TLK1: variants seen among roughly 807,000 people sequenced by gnomAD.
The protein encoded by TLK1 is tousled like kinase 1, also known as serine/threonine-protein kinase tousled-like 1.
Under a neutral mutation model 105.3 loss-of-function variants are expected in TLK1, and 24 were observed. That is an observed-to-expected ratio of 0.23 (90% CI 0.17 to 0.32). The LOEUF is 0.32. Ranked by LOEUF, TLK1 falls within the 10% of genes least tolerant of loss-of-function variation. The pLI, the probability that TLK1 is intolerant of heterozygous loss-of-function variation, is 1.00. For synonymous variants in TLK1, 321 were observed against 310.4 expected (o/e 1.03, Z -0.36); for missense variants, 558 against 910.5 (o/e 0.61, Z 4.98).
At chr2:171,204,963 G>GAA (rs11376922) in intron 1 of TLK1, among the ~76,000 whole-genome samples, 152 of 149,890 alleles carry the variant, frequency 1.0e-3, no homozygotes, top group Middle Eastern at 3.4e-3. Flanking sequence ...AAAAAAAAAA[G>GAA]AAAAAAAAAG....
intron 12 of TLK1, among the ~76,000 whole-genome samples, chr2:171,026,039 TC>T (rs1270378712): frequency 6.6e-6 from 1 of 152,098 alleles, no homozygotes; most frequent in Non-Finnish European, 1.5e-5. Context: ...CCCAAAATAT[TC>T]CATGATGAAG....
At chr2:171,129,415 T>C (rs891949170) in intron 1 of TLK1, among the ~76,000 whole-genome samples, 1 of 152,214 alleles carries the variant, frequency 6.6e-6, no homozygotes, top group African/African-American at 2.4e-5. Context: ...CAGAACAGTT[T>C]TTCTTTCTTA....
intron 1 of TLK1, among the ~76,000 whole-genome samples, chr2:171,168,262 TA>T (rs1483731952): frequency 1.3e-5 from 2 of 152,306 alleles, no homozygotes; most frequent in East Asian, 1.9e-4. Flanking sequence ...AAATCTTTCT[TA>T]ATTCGATACA....
chr2:171,113,745 A>G (rs1477263358), intron 2 of TLK1, among the ~76,000 whole-genome samples: 1 of 152,216 alleles, frequency 6.6e-6, no homozygotes, highest in Non-Finnish European at 1.5e-5. Flanking sequence ...CCAATATTAT[A>G]TAAAAGATGG....
intron 1 of TLK1, among the ~76,000 whole-genome samples, chr2:171,186,087 A>G (rs1170701530): frequency 6.6e-6 from 1 of 152,238 alleles, no homozygotes; most frequent in Admixed American, 6.5e-5. Flanking sequence ...TTCCAAAGGA[A>G]GAAACTTTCC....
At chr2:171,094,175 T>C (rs933771633) in intron 2 of TLK1, among the ~76,000 whole-genome samples, 4 of 151,776 alleles carry the variant, frequency 2.6e-5, no homozygotes, top group Admixed American at 6.6e-5. Context: ...AATAAAAGAG[T>C]TGACAGTGAA....
At chr2:171,155,278 TTC>T (rs1692189565) in intron 1 of TLK1, among the ~76,000 whole-genome samples, 1 of 152,182 alleles carries the variant, frequency 6.6e-6, no homozygotes, top group East Asian at 1.9e-4. Flanking sequence ...TATTCTAAAA[TTC>T]TGTGCTGAAA....
chr2:171,008,714 T>C (rs758091868), intron 14 of TLK1, among the ~76,000 whole-genome samples: 5 of 152,128 alleles, frequency 3.3e-5, no homozygotes, highest in Admixed American at 6.5e-5. Flanking sequence ...CTGGCAATCA[T>C]GAAAGGGCTT....
chr2:171,097,452 A>C (rs917130645), intron 2 of TLK1, among the ~76,000 whole-genome samples: 1 of 152,244 alleles, frequency 6.6e-6, no homozygotes, highest in African/African-American at 2.4e-5. Context: ...TATAGGCAAC[A>C]AAAGCAAAAA....
intron 2 of TLK1, among the ~76,000 whole-genome samples, chr2:171,097,868 T>C (rs1233041284): frequency 6.7e-6 from 1 of 149,596 alleles, no homozygotes; most frequent in Admixed American, 6.7e-5. Flanking sequence ...GAGGCTGCAG[T>C]GAGCCAAGAT....
At chr2:171,191,246 T>A (rs981866978) in intron 1 of TLK1, among the ~76,000 whole-genome samples, 2 of 152,072 alleles carry the variant, frequency 1.3e-5, no homozygotes, top group Admixed American at 1.3e-4. Flanking sequence ...AAAATCAGGA[T>A]CTGCCCTTAT....
intron 18 of TLK1, among the ~76,000 whole-genome samples, chr2:170,998,837 T>C (rs1226700580): frequency 6.6e-6 from 1 of 152,192 alleles, no homozygotes; most frequent in Non-Finnish European, 1.5e-5. Flanking sequence ...GGTACGATCA[T>C]AGCTCACTGC....
At chr2:171,053,730 A>T (rs772377611) in intron 8 of TLK1, 31 bp downstream of exon 8, 17 of 1,497,470 alleles carry the variant, frequency 1.1e-5, no homozygotes, top group Non-Finnish European at 1.4e-5. Flanking sequence ...AATTTATTCA[A>T]TTTTTTTCCC....
At chr2:171,051,582 C>A (rs1000418573) in intron 8 of TLK1, among the ~76,000 whole-genome samples, 1 of 152,126 alleles carries the variant, frequency 6.6e-6, no homozygotes, top group African/African-American at 2.4e-5. Context: ...ATGACAAGGT[C>A]CCTTATGATA....
chr2:171,078,160 T>C (rs1297481047), intron 3 of TLK1, among the ~76,000 whole-genome samples: 2 of 152,188 alleles, frequency 1.3e-5, no homozygotes, highest in Non-Finnish European at 2.9e-5. Context: ...TCTAGCTAGA[T>C]CCCTTTGAAT....
rs1553602283 is a variant in TLK1, at chr2:170,993,685, A to AAAG, written c.*94_*95insCTT. On this transcript the variant is annotated 3_prime_UTR_variant, in exon 21 of 21. Coordinates refer to ENST00000431350, the MANE Select transcript of TLK1 (RefSeq NM_012290.5). ...GTCTTGTGTAAAAAAAAAAAAAAAA[A>AAAG]AAAAAGAAAAAGAAAACAAACACTC... 739 of 994,128 alleles carry AAAG rather than the reference A, an allele frequency of 7.4e-4. 5 individuals are homozygous for AAAG. In the African/African-American group the frequency reaches 9.1e-3, roughly 12 times the overall value. The allele number at this position is 994,128 out of a possible 1,614,324, so 61.6% of individuals were successfully genotyped here. A position where few individuals can be genotyped will look rare whatever the true frequency, so the allele number is the denominator to read the frequency against.
chr2:171,035,001 TTC>T (rs1686253410), intron 11 of TLK1, among the ~76,000 whole-genome samples: 1 of 152,104 alleles, frequency 6.6e-6, no homozygotes, highest in Non-Finnish European at 1.5e-5. Context: ...TCCCATGCTG[TTC>T]TCATGATAGT....
intron 2 of TLK1, among the ~76,000 whole-genome samples, chr2:171,085,166 G>A (rs1482501709): frequency 6.6e-6 from 1 of 152,174 alleles, no homozygotes; most frequent in African/African-American, 2.4e-5. Context: ...GAGGCGGGCA[G>A]ATCACCTGAG....
chr2:171,146,155 T>C (rs113270514), intron 1 of TLK1, among the ~76,000 whole-genome samples: 4 of 152,164 alleles, frequency 2.6e-5, no homozygotes, highest in African/African-American at 4.8e-5. Flanking sequence ...TAAAGACTTA[T>C]ACTCATTAAA....
Sources: gnomAD v4.1 joint callset for allele counts (sites outside exome capture counted in the v4.1 genomes callset) on GRCh38, gnomAD v4.1.1 for gene constraint, MANE v1.5 for transcripts, NCBI Gene and HGNC (gene_info 2026-07-23, HGNC 2026-07-21) for gene names.